Variants in PSG7 observed in about 807,000 individuals in gnomAD.
PSG7 encodes pregnancy-specific beta-1-glycoprotein 7.
In PSG7, 57 loss-of-function variants were observed where a neutral mutation model predicts 45.6. That is an observed-to-expected ratio of 1.25 (90% CI 1.01 to 1.56). The LOEUF (loss-of-function observed/expected upper bound fraction) is 1.56, where lower values mean the gene tolerates loss of function less well. Ranked by LOEUF, PSG7 falls within the 40% of genes most tolerant of loss-of-function variation. The pLI, the probability that PSG7 is intolerant of heterozygous loss-of-function variation, is 0.00. For missense variants in PSG7, 796 were observed against 508.4 expected (o/e 1.57, Z -5.44); for synonymous variants, 298 against 194.4 (o/e 1.53, Z -4.43).
chr19:42,932,884 C>A (rs1973050509), intron 2 of PSG7, among the ~76,000 whole-genome samples: 1 of 151,216 alleles, frequency 6.6e-6, no homozygotes. Context: ...CAAGAGTTTA[C>A]AAAATTTGTA....
chr19:42,932,479 A>T (rs1445568406), intron 2 of PSG7, among the ~76,000 whole-genome samples: 1 of 151,526 alleles, frequency 6.6e-6, no homozygotes, highest in Non-Finnish European at 1.5e-5. Context: ...CAGGTTGAGA[A>T]TGGAGTCACG....
chr19:42,935,355 GA>G, intron 2 of PSG7, 48 bp downstream of exon 2: 1 of 1,605,964 alleles, frequency 6.2e-7, no homozygotes, highest in South Asian at 1.1e-5. Flanking sequence ...GTGTGAAGTA[GA>G]AATGACCCCT....
At chr19:42,927,594 A>G (rs1022409348) in intron 3 of PSG7, 1 of 151,580 alleles carries the variant, frequency 6.6e-6, no homozygotes, top group African/African-American at 2.4e-5. Flanking sequence ...GTCCTCATGG[A>G]CCATGTGTGT....
In PSG7 at chr19:42,924,338, C is replaced by A; in HGVS notation, c.*470G>T. The A allele has an allele frequency of 2.5e-6, 1 of 393,396 alleles. No homozygotes were observed. The highest frequency in any genetic ancestry group is 4.5e-6 in the Non-Finnish European group (1 of 222,754). The allele number at this position is 393,396 out of a possible 1,614,324, so 24.4% of individuals were successfully genotyped here. On this transcript the variant is annotated 3_prime_UTR_variant, in exon 6 of 6. Transcript: ENST00000406070. ...TCTCTGTGTTCATTTCTATTGGGAG[C>A]CCTGTATGCAAGATGGAGAGAGCCA...
At position 42,926,397 on chromosome 19, in the gene PSG7, C is replaced by T. The variant is rs746631287; in HGVS notation, c.988+41G>A. On this transcript the variant is annotated intron_variant, in intron 4 of 5. Coordinates refer to ENST00000406070, the MANE Select transcript of PSG7 (RefSeq NM_002783.3). ...TGGTCGTTTGGAGTTAAGCTGGTGT[C>T]CTGGCCCACAGAGGAAGAAAGGATA... The T allele has an allele frequency of 1.2e-6, 2 of 1,606,082 alleles. 1 individual carries two copies. Among genetic ancestry groups the T allele is most frequent in the Non-Finnish European group, 1.7e-6 (2 of 1,176,144 alleles).
At position 42,929,675 on chromosome 19, in the gene PSG7, CT is replaced by C. The variant is rs2122683838; in HGVS notation, c.475del (p.Arg159GlyfsTer7). On this transcript the variant is annotated frameshift_variant, in exon 3 of 6. Transcript: ENST00000406070. LOFTEE classifies it high-confidence loss of function. ...PSISSSNFNP[R>X]EATEAVILTC... is the part of the protein sequence containing the mutation. The stretch of plus-strand genomic sequence containing the variant: ...TAAAATCACAGCCTCCGTGGCCTCC[CT>C]GGGGTTGAAATTGCTGCTGGAGATG... The C allele has an allele frequency of 1.9e-6, 3 of 1,612,384 alleles. 1 individual carries two copies. Among genetic ancestry groups the C allele is most frequent in the Non-Finnish European group, 2.5e-6 (3 of 1,179,166 alleles).
chr19:42,933,289 ATATATATATATATATATATTTTTT>A (rs1973067171), intron 2 of PSG7, among the ~76,000 whole-genome samples: 1 of 8,916 alleles, frequency 1.1e-4, no homozygotes, highest in African/African-American at 3.4e-4. Flanking sequence ...ATATATATAT[ATATATATATATATATATATTTTTT>A]TTTTTTTTTG....
rs1445123383 is a variant in PSG7, at chr19:42,925,874, A to T, written c.1142T>A (p.Ile381Asn). 6.2e-7 allele frequency: 1 copy of T among 1,611,944 alleles called. No individual in the cohort carries two copies. The highest frequency in any genetic ancestry group is 2.2e-5 in the East Asian group (1 of 44,778). ...GCTATGCTTTGTAGTAATCTGGGGG[A>T]TAGAAAGCTTTTGTCCTGATAGCTG... ...KFQLSGQKLS[I>N]PQITTKHSGL... Residue 381 changes from isoleucine (I) to asparagine (N), a missense_variant, in exon 5 of 6, where the codon ATC (isoleucine) becomes AAC (asparagine). Physicochemically the swap from Ile to Asn is moderately radical, Grantham distance 149. Coordinates refer to ENST00000406070, the MANE Select transcript of PSG7 (RefSeq NM_002783.3).
chr19:42,935,942 C>T (rs1157092518), intron 1 of PSG7, among the ~76,000 whole-genome samples, 173 bp from the exon 2 acceptor site: 3 of 149,032 alleles, frequency 2.0e-5, no homozygotes, highest in Non-Finnish European at 3.0e-5. Flanking sequence ...ATAAAAGGGG[C>T]ATGTGTGTTT....
chr19:42,925,066 C>A (rs1280708848), intron 5 of PSG7: 23 of 535,040 alleles, frequency 4.3e-5, no homozygotes, highest in Non-Finnish European at 7.5e-5. Context: ...TTAAAATTTT[C>A]TTTGCTGTAA....
At position 42,929,625 on chromosome 19, in the gene PSG7, C is replaced by T. The variant is rs749774073; in HGVS notation, c.526G>A (p.Ala176Thr). The change falls in exon 3 of 6, where the codon GCA becomes ACA. Residue 176 changes from alanine to threonine, a missense_variant. By Grantham distance (58) the Ala-to-Thr change is moderately conservative. Transcript: ENST00000406070. Reference protein sequence around the residue: ...ILTCDPETPDASYLWWMNGQS... With the variant: ...ILTCDPETPDTSYLWWMNGQS... The stretch of plus-strand genomic sequence containing the variant: ...CCATTCATCCACCACAGGTAGCTTG[C>T]ATCTGGAGTCTCAGGATCACAGGTT... The T allele has an allele frequency of 6.2e-7, 1 of 1,612,478 alleles. No individual in the cohort carries two copies. Among genetic ancestry groups the T allele is most frequent in the Non-Finnish European group, 8.5e-7 (1 of 1,179,274 alleles).
intron 2 of PSG7, among the ~76,000 whole-genome samples, chr19:42,929,985 C>A (rs1196181877): frequency 6.6e-6 from 1 of 151,616 alleles, no homozygotes; most frequent in Middle Eastern, 3.2e-3. Flanking sequence ...ACAGGACCAG[C>A]AGTCACAGCT....
chr19:42,926,013 G>A lies in PSG7; in HGVS notation c.1003C>T (p.Pro335Ser), dbSNP rs1205049115. 2 of 1,611,958 alleles carry A rather than the reference G, an allele frequency of 1.2e-6. No homozygotes were observed. The highest frequency in any genetic ancestry group is 2.2e-5 in the South Asian group (2 of 90,586). ...TLNVLYGPDL[P>S]RIYPSFTYYH... Reference sequence around the variant, plus strand: ...TAGGTGAATGAAGGGTAAATTCTGGGGAGGTCTGGACCATCTGGAGGAAAG... The same window carrying A: ...TAGGTGAATGAAGGGTAAATTCTGGAGAGGTCTGGACCATCTGGAGGAAAG... The change falls in exon 5 of 6, where the codon CCC becomes TCC. Residue 335 changes from proline to serine, a missense_variant. Pro to Ser is a moderately conservative substitution (Grantham distance 74). Coordinates refer to ENST00000406070, the MANE Select transcript of PSG7 (RefSeq NM_002783.3).
chr19:42,931,691 G>A (rs1404870647), intron 2 of PSG7, among the ~76,000 whole-genome samples: 1 of 151,382 alleles, frequency 6.6e-6, no homozygotes, highest in East Asian at 1.9e-4. Flanking sequence ...GCATCATCAT[G>A]AGGAAACAGT....
chr19:42,926,380 T>C, intron 4 of PSG7, 58 bp downstream of exon 4: 6 of 1,600,208 alleles, frequency 3.7e-6, no homozygotes, highest in Non-Finnish European at 5.1e-6. Flanking sequence ...TCTGGTCGTT[T>C]GGAGTTAAGC....
intron 4 of PSG7, 134 bp downstream of exon 4, chr19:42,926,304 C>A: frequency 6.6e-7 from 1 of 1,518,982 alleles, no homozygotes; most frequent in South Asian, 1.3e-5. Context: ...GGAGTCATGG[C>A]CAGCTCGGAT....
chr19:42,926,516 C>T lies in PSG7; in HGVS notation c.910G>A (p.Glu304Lys). 1 of 1,611,160 alleles carries T rather than the reference C, an allele frequency of 6.2e-7. No homozygotes were observed. Among genetic ancestry groups the T allele is most frequent in the Non-Finnish European group, 8.5e-7 (1 of 1,179,018 alleles). ...ILILPSVTRN[E>K]TGPYQCEIRD... ...ATTTCACATTGATAGGGTCCTGTTTCATTTCTCGTGACACTGGGTAGAATG... is the reference window on the plus strand; with the variant it reads ...ATTTCACATTGATAGGGTCCTGTTTTATTTCTCGTGACACTGGGTAGAATG... The change falls in exon 4 of 6, where the codon GAA becomes AAA. Residue 304 changes from glutamate to lysine, a missense_variant. Coordinates refer to ENST00000406070, the MANE Select transcript of PSG7 (RefSeq NM_002783.3).
intron 2 of PSG7, among the ~76,000 whole-genome samples, chr19:42,934,947 AC>A (rs1435574811): frequency 1.3e-5 from 2 of 151,498 alleles, no homozygotes; most frequent in Non-Finnish European, 2.9e-5. Flanking sequence ...TGCCCAAGAA[AC>A]CATAACCCAG....
chr19:42,924,468 A>T lies in PSG7; in HGVS notation c.*340T>A, dbSNP rs1972482800. 1.9e-6 allele frequency: 1 copy of T among 537,202 alleles called. No homozygotes were observed. Among genetic ancestry groups the T allele is most frequent in the Non-Finnish European group, 3.3e-6 (1 of 306,788 alleles). 33.3% of individuals were successfully genotyped at this position (537,202 alleles called of 1,614,324 possible). ...CTATACTACATGTGAAATTCTAATG[A>T]CTGCATTATCCTGCCAAGTGAAAGA... On this transcript the variant is annotated 3_prime_UTR_variant, in exon 6 of 6. Coordinates refer to ENST00000406070, the MANE Select transcript of PSG7 (RefSeq NM_002783.3).
Sources: gnomAD v4.1 joint callset for allele counts (sites outside exome capture counted in the v4.1 genomes callset) on GRCh38, gnomAD v4.1.1 for gene constraint, MANE v1.5 for transcripts, NCBI Gene and HGNC (gene_info 2026-07-23, HGNC 2026-07-21) for gene names.